ZC3H4: variants seen among roughly 807,000 people sequenced by gnomAD.
The protein encoded by ZC3H4 is zinc finger CCCH-type containing 4.
In ZC3H4, 13 loss-of-function variants were observed where a neutral mutation model predicts 108.3. That is an observed-to-expected ratio of 0.12 (90% CI 0.08 to 0.19). ZC3H4 has a LOEUF of 0.19. Among genes scored for constraint, ZC3H4 ranks in the 10% least tolerant of loss-of-function variants. ZC3H4 has a pLI of 1.00. For synonymous variants in ZC3H4, 917 were observed against 749.6 expected (o/e 1.22, Z -3.65); for missense variants, 1,734 against 1,838.8 (o/e 0.94, Z 1.04).
intron 13 of ZC3H4, among the ~76,000 whole-genome samples, chr19:47,070,477 T>C (rs2057306370): frequency 6.6e-6 from 1 of 152,092 alleles, no homozygotes; most frequent in African/African-American, 2.4e-5. Flanking sequence ...ATGGGATTAT[T>C]CTAGAGACAC....
intron 11 of ZC3H4, among the ~76,000 whole-genome samples, chr19:47,079,033 AT>A (rs1169182902): frequency 1.2e-3 from 160 of 135,018 alleles, no homozygotes; most frequent in Middle Eastern, 3.9e-3. Flanking sequence ...TTTCATTTCC[AT>A]TTTTTTTTTT....
At chr19:47,108,420 C>T (rs1207186702) in intron 2 of ZC3H4, among the ~76,000 whole-genome samples, 2 of 152,176 alleles carry the variant, frequency 1.3e-5, no homozygotes, top group Non-Finnish European at 2.9e-5. Flanking sequence ...GATGTTTCTA[C>T]AGGCCCAATA....
intron 2 of ZC3H4, among the ~76,000 whole-genome samples, chr19:47,109,050 A>G (rs1395251416): frequency 6.6e-6 from 1 of 152,206 alleles, no homozygotes; most frequent in African/African-American, 2.4e-5. Context: ...GTAAGTGTAT[A>G]ATAAGATTTG....
intron 10 of ZC3H4, 103 bp downstream of exon 10, chr19:47,082,081 A>G (rs941206920): frequency 3.0e-6 from 3 of 1,010,144 alleles, no homozygotes; most frequent in African/African-American, 3.2e-5. Flanking sequence ...CTCTTGGCAC[A>G]GAGAGAAAGC....
chr19:47,108,350 G>A (rs1415587298), intron 2 of ZC3H4, among the ~76,000 whole-genome samples: 1 of 152,060 alleles, frequency 6.6e-6, no homozygotes, highest in African/African-American at 2.4e-5. Context: ...CCTGGAAATA[G>A]TTTCATTAGC....
chr19:47,081,540 G>A lies in ZC3H4; in HGVS notation c.1413C>T (p.Thr471=), dbSNP rs201402584. 6.0e-5 allele frequency: 97 copies of A among 1,614,216 alleles called. No individual in the cohort carries two copies. The East Asian group carries it at 1.6e-3, about 27-fold the overall frequency. The change falls in exon 11 of 15, where the codon ACC becomes ACT. Residue 471 remains threonine, a synonymous_variant. Transcript: ENST00000253048. The part of the protein sequence containing the change: ...DDCMFSHDPL[T]EETRELLDKM... ...TATCCAAGAGCTCCCTCGTCTCTTC[G>A]GTCAGAGGGTCGTGGGAAAACATGC... is the stretch of plus-strand genomic sequence containing the variant.
chr19:47,068,623 CTTGT>C (rs199918155), intron 14 of ZC3H4, among the ~76,000 whole-genome samples: 2,642 of 152,298 alleles, frequency 0.017, 68 homozygotes, highest in African/African-American at 0.06. Flanking sequence ...CTAGACACCA[CTTGT>C]CATTTTACCC....
intron 2 of ZC3H4, among the ~76,000 whole-genome samples, chr19:47,109,405 T>C (rs961193570): frequency 2.6e-5 from 4 of 152,344 alleles, no homozygotes; most frequent in Middle Eastern, 3.4e-3. Context: ...TAAAAGTCAA[T>C]TTAAATAAGC....
chr19:47,086,599 G>A, intron 5 of ZC3H4, 61 bp from the exon 6 acceptor site: 1 of 1,507,170 alleles, frequency 6.6e-7, no homozygotes, highest in South Asian at 1.3e-5. Flanking sequence ...CAAGAAAGAA[G>A]ACAACCCACA....
Position 47,067,239 on chromosome 19 carries a change from G to T in ZC3H4, c.3029C>A (p.Pro1010His). 6.2e-7 allele frequency: 1 copy of T among 1,603,188 alleles called. No individual in the cohort carries two copies. Among genetic ancestry groups the T allele is most frequent in the Non-Finnish European group, 8.5e-7 (1 of 1,175,020 alleles). Residue 1010 changes from proline to histidine, a missense_variant, in exon 15 of 15, where the codon CCC becomes CAC. By Grantham distance (77) the Pro-to-His change is moderately conservative. Around this residue, in one of 9 missense-constraint regions of ZC3H4, gnomAD observed 518 missense variants for 499.6 expected, o/e 1.04. Transcript: ENST00000253048. The surrounding 1 kb of genome is among the most constrained non-coding windows in gnomAD (Gnocchi z 6.4). ...AALQSMPTLD[P>H]RLHRAATAGP... ...TGCCGTGGCAGCGCGGTGCAGCCGG[G>T]GGTCCAGGGTGGGCATGGATTGCAG...
chr19:47,106,670 G>A (rs1035368637), intron 2 of ZC3H4, among the ~76,000 whole-genome samples: 6 of 152,212 alleles, frequency 3.9e-5, no homozygotes, highest in Non-Finnish European at 8.8e-5. Context: ...TAGAAGGTAG[G>A]CCAGACACAG....
At chr19:47,103,382 C>A (rs574134588) in intron 2 of ZC3H4, among the ~76,000 whole-genome samples, 62 of 152,258 alleles carry the variant, frequency 4.1e-4, no homozygotes, top group African/African-American at 1.5e-3. Context: ...TGGTTCAATG[C>A]AGCCTTGATC....
At chr19:47,071,481 G>C (rs1375238645) in intron 13 of ZC3H4, among the ~76,000 whole-genome samples, 1 of 152,128 alleles carries the variant, frequency 6.6e-6, no homozygotes, top group Non-Finnish European at 1.5e-5. Flanking sequence ...GGGCCCACCA[G>C]CCTCTCAGCC....
intron 2 of ZC3H4, among the ~76,000 whole-genome samples, chr19:47,100,104 G>A (rs2057882957): frequency 6.6e-6 from 1 of 152,134 alleles, no homozygotes; most frequent in African/African-American, 2.4e-5. Context: ...GGATCCCCAA[G>A]TCCGATTCTG....
rs559899967 is a variant in ZC3H4 at position 47,112,390 on chromosome 19, G to T, written c.161+34C>A. Reference sequence around the variant, plus strand: ...TCCTCCTCCTCCTCTTCCTCCCCCCGGGGACGCAGCCCCGGCCCAACCGGG... The same window carrying T: ...TCCTCCTCCTCCTCTTCCTCCCCCCTGGGACGCAGCCCCGGCCCAACCGGG... On this transcript the variant is annotated intron_variant, in intron 2 of 14. Transcript: ENST00000253048. The T allele has an allele frequency of 6.5e-6, 8 of 1,231,462 alleles. No homozygotes were observed. In the East Asian group the frequency reaches 2.2e-4, roughly 34 times the overall value. The allele number at this position is 1,231,462 out of a possible 1,614,324, so 76.3% of individuals were successfully genotyped here.
chr19:47,087,533 G>C (rs567599276), intron 5 of ZC3H4, among the ~76,000 whole-genome samples: 3 of 150,608 alleles, frequency 2.0e-5, no homozygotes, highest in Admixed American at 2.0e-4. Flanking sequence ...ACAGGAGTTC[G>C]AAACAAGCCT....
chr19:47,066,952 T>C lies in ZC3H4; in HGVS notation c.3316A>G (p.Thr1106Ala), dbSNP rs752184905. 2 of 1,593,086 alleles carry C rather than the reference T, an allele frequency of 1.3e-6. No individual in the cohort carries two copies. The highest frequency in any genetic ancestry group is 3.4e-5 in the Admixed American group (2 of 58,396). Residue 1106 changes from threonine to alanine, a missense_variant, in exon 15 of 15, where the codon ACC becomes GCC. Physicochemically the swap from Thr to Ala is moderately conservative, Grantham distance 58 (BLOSUM62 0). Transcript: ENST00000253048. Reference protein sequence around the residue: ...KPGPAEAPSPTASPSGDASPP... With the variant: ...KPGPAEAPSPAASPSGDASPP... ...GAGGCATCCCCACTCGGGCTGGCGGTGGGAGAGGGCGCCTCAGCAGGGCCG... is the reference window on the plus strand; with the variant it reads ...GAGGCATCCCCACTCGGGCTGGCGGCGGGAGAGGGCGCCTCAGCAGGGCCG...
intron 5 of ZC3H4, 125 bp downstream of exon 5, chr19:47,089,842 G>A: frequency 1.1e-6 from 1 of 945,308 alleles, no homozygotes; most frequent in Non-Finnish European, 1.6e-6. Context: ...GCAGAGCCTG[G>A]CCCTTCTTTG....
chr19:47,072,693 T>C lies in ZC3H4; in HGVS notation c.1461A>G (p.Glu487=). The change falls in exon 12 of 15, where the codon GAA becomes GAG. Residue 487 remains glutamate, a synonymous_variant. Transcript: ENST00000253048. The surrounding 1 kb of genome is among the most constrained non-coding windows in gnomAD (Gnocchi z 5.6). ...CCTCCTTCTCATCCTCGGCACCTGCTTCTGCATCATCGGCCAACATCTGCG... is the reference window on the plus strand; with the variant it reads ...CCTCCTTCTCATCCTCGGCACCTGCCTCTGCATCATCGGCCAACATCTGCG... ...LLDKMLADDA[E]AGAEDEKEVE... The C allele has an allele frequency of 6.2e-7, 1 of 1,613,854 alleles. No homozygotes were observed.
Sources: gnomAD v4.1 joint callset for allele counts (sites outside exome capture counted in the v4.1 genomes callset) on GRCh38, gnomAD v4.1.1 for gene constraint, gnomAD v4.1.1 regional missense constraint, Gnocchi (gnomAD v3.1) non-coding constraint, MANE v1.5 for transcripts, NCBI Gene and HGNC (gene_info 2026-07-23, HGNC 2026-07-21) for gene names.